The following ATP6V1C1 variants were observed in gnomAD, a reference collection of about 807,000 sequenced individuals.
ATP6V1C1 encodes V-type proton ATPase subunit C 1.
ATP6V1C1 carries 45 observed loss-of-function variants against 53.9 expected under a neutral mutation model. The observed-to-expected ratio is 0.83, with a 90% CI of 0.66 to 1.07. ATP6V1C1 has a LOEUF of 1.07. Ranked by LOEUF, ATP6V1C1 falls within the 50% of genes least tolerant of loss-of-function variation. The pLI is 0.00. For missense variants in ATP6V1C1, 315 were observed against 440.3 expected, an observed-to-expected ratio of 0.72 and a Z score of 2.55; for synonymous variants, 153 against 155.2, an observed-to-expected ratio of 0.99 and a Z score of 0.11.
chr8:103,064,862 T>C, intron 11 of ATP6V1C1, 51 bp downstream of exon 11: 1 of 1,512,446 alleles, frequency 6.6e-7, no homozygotes, highest in Non-Finnish European at 9.1e-7. Flanking sequence ...ATAGATTCCT[T>C]ACATTGGACC....
chr8:103,038,191 G>T (rs1816931251), intron 1 of ATP6V1C1, among the ~76,000 whole-genome samples: 1 of 152,158 alleles, frequency 6.6e-6, no homozygotes, highest in Non-Finnish European at 1.5e-5. Flanking sequence ...CTGGGCTGGA[G>T]GGCTCAAAAT....
chr8:103,068,695 A>AG lies in ATP6V1C1; in HGVS notation c.1097_1098insG (p.Tyr366Ter). Residue 366 changes from tyrosine to a stop codon, truncating the protein, a stop_gained and frameshift_variant, in exon 13 of 13, where the codon TAC becomes TAGC. Transcript: ENST00000518738. LOFTEE classifies it high-confidence loss of function. ...GGTTTAAACCTGAGTCAACAAGAAT[A>AG]CTACCCCTATGTGTACTACAAGATT... ...IPGLNLSQQEYYPYVYYKIDC... is the reference protein window; with the variant it reads ...IPGLNLSQQE 1 of 1,611,950 alleles carries AG rather than the reference A, an allele frequency of 6.2e-7. No homozygotes were observed. The highest frequency in any genetic ancestry group is 8.5e-7 in the Non-Finnish European group (1 of 1,179,182).
chr8:103,038,819 T>A (rs1816943538), intron 1 of ATP6V1C1, among the ~76,000 whole-genome samples: 1 of 152,186 alleles, frequency 6.6e-6, no homozygotes, highest in Non-Finnish European at 1.5e-5. Context: ...TGTTTTGAAA[T>A]CAAAACTTAT....
intron 2 of ATP6V1C1, 37 bp from the exon 3 acceptor site, chr8:103,042,303 A>T (rs767884054): frequency 3.2e-6 from 5 of 1,575,078 alleles, no homozygotes; most frequent in South Asian, 1.2e-5. Context: ...TTTTTAAAAA[A>T]GCATGCCACC....
intron 11 of ATP6V1C1, 21 bp downstream of exon 11, chr8:103,064,832 A>G: frequency 2.5e-6 from 4 of 1,604,130 alleles, no homozygotes; most frequent in African/African-American, 1.3e-5. Context: ...TTAATTGCCA[A>G]ACTTGGAACT....
chr8:103,022,222 C>G (rs574372037), intron 1 of ATP6V1C1, among the ~76,000 whole-genome samples: 2 of 152,056 alleles, frequency 1.3e-5, no homozygotes, highest in Non-Finnish European at 2.9e-5. Flanking sequence ...AGGATTTGAA[C>G]AGGTTGAGAG....
At chr8:103,059,426 C>T (rs1817352874) in intron 8 of ATP6V1C1, among the ~76,000 whole-genome samples, 1 of 152,070 alleles carries the variant, frequency 6.6e-6, no homozygotes, top group African/African-American at 2.4e-5. Context: ...TCTAGTTGCC[C>T]TGTAGTATAT....
At chr8:103,036,910 C>G (rs1375625980) in intron 1 of ATP6V1C1, among the ~76,000 whole-genome samples, 1 of 152,142 alleles carries the variant, frequency 6.6e-6, no homozygotes, top group African/African-American at 2.4e-5. Flanking sequence ...CTTTGATATA[C>G]TAACAGAAAA....
At chr8:103,048,286 C>G (rs375986699) in intron 3 of ATP6V1C1, among the ~76,000 whole-genome samples, 1 of 152,170 alleles carries the variant, frequency 6.6e-6, no homozygotes, top group South Asian at 2.1e-4. Context: ...TGGCCAGAAC[C>G]ACAGTTACTT....
At chr8:103,039,788 A>G (rs13271522) in intron 1 of ATP6V1C1, among the ~76,000 whole-genome samples, 39,295 of 151,928 alleles carry the variant, frequency 0.26, 5,881 homozygotes, top group Admixed American at 0.39. Flanking sequence ...GTGAATCTTA[A>G]TGGGACTCTT....
chr8:103,035,264 A>C (rs1175618206), intron 1 of ATP6V1C1, among the ~76,000 whole-genome samples: 1 of 141,012 alleles, frequency 7.1e-6, no homozygotes. Flanking sequence ...CTTTTAAAAA[A>C]CATGATTTTT....
At chr8:103,066,579 T>A (rs1817495079) in intron 12 of ATP6V1C1, 132 bp downstream of exon 12, 3 of 1,010,820 alleles carry the variant, frequency 3.0e-6, no homozygotes, top group Middle Eastern at 3.3e-4. Flanking sequence ...AGGTTCTCAA[T>A]TTGTTATGTA....
rs570675224 is a variant in ATP6V1C1, at chr8:103,023,911, G to A, written c.-40+2686G>A. Among the ~76,000 whole-genome samples the A allele has an allele frequency of 3.3e-5, 5 of 151,724 alleles. No homozygotes were observed. The East Asian group carries it at 5.8e-4, about 18-fold the overall frequency. Reference sequence around the variant, plus strand: ...TTGATTCAGCATTTTTTTTTGGGGGGGGGGAACTTCTCCCTGAAGAGTCAG... The same window carrying A: ...TTGATTCAGCATTTTTTTTTGGGGGAGGGGAACTTCTCCCTGAAGAGTCAG... On this transcript the variant is annotated intron_variant, in intron 1 of 12. Transcript: ENST00000518738.
At chr8:103,050,544 TAGC>T in intron 4 of ATP6V1C1, among the ~76,000 whole-genome samples, 1 of 152,236 alleles carries the variant, frequency 6.6e-6, no homozygotes, top group East Asian at 1.9e-4. Flanking sequence ...AGTATTTTTT[TAGC>T]TCTACATGTT....
chr8:103,056,445 T>C (rs1817290395), intron 8 of ATP6V1C1, among the ~76,000 whole-genome samples: 2 of 152,214 alleles, frequency 1.3e-5, no homozygotes, highest in African/African-American at 2.4e-5. Flanking sequence ...AAACCTGTTT[T>C]TATTAAGCAC....
At chr8:103,023,446 T>C (rs1816634363) in intron 1 of ATP6V1C1, among the ~76,000 whole-genome samples, 1 of 152,104 alleles carries the variant, frequency 6.6e-6, no homozygotes, top group Non-Finnish European at 1.5e-5. Flanking sequence ...TATTCACTTT[T>C]AGAGGGTTCA....
At chr8:103,041,740 TG>T (rs2131389314) in intron 2 of ATP6V1C1, among the ~76,000 whole-genome samples, 1 of 152,104 alleles carries the variant, frequency 6.6e-6, no homozygotes, top group South Asian at 2.1e-4. Flanking sequence ...GGCATGTTGG[TG>T]GGCACCTGTA....
intron 12 of ATP6V1C1, 70 bp downstream of exon 12, chr8:103,066,517 TAGAC>T (rs1407772174): frequency 2.0e-5 from 29 of 1,445,356 alleles, no homozygotes; most frequent in Admixed American, 1.3e-4. Flanking sequence ...TGAAAGAAGA[TAGAC>T]AGAAAAGGGA....
At chr8:103,036,050 A>G (rs1323649391) in intron 1 of ATP6V1C1, among the ~76,000 whole-genome samples, 2 of 152,198 alleles carry the variant, frequency 1.3e-5, no homozygotes, top group Non-Finnish European at 2.9e-5. Flanking sequence ...CTGAGCCTGG[A>G]ACCAAACAGG....
Sources: allele counts gnomAD v4.1 joint callset (sites outside exome capture counted in the v4.1 genomes callset), GRCh38; gene constraint gnomAD v4.1.1; transcripts MANE v1.5; gene names NCBI Gene and HGNC (gene_info 2026-07-23, HGNC 2026-07-21).